Variants in PCDHGA5 observed in about 807,000 individuals in gnomAD.
PCDHGA5 encodes protocadherin gamma subfamily A, 5, also known as protocadherin gamma-A5.
PCDHGA5 carries 36 observed loss-of-function variants against 56.7 expected under a neutral mutation model. The ratio of observed to expected loss-of-function variants is 0.64; its 90% CI spans 0.49 to 0.84. The LOEUF (loss-of-function observed/expected upper bound fraction) is 0.84, where lower values mean the gene tolerates loss of function less well. Ranked by LOEUF, PCDHGA5 falls within the 40% of genes least tolerant of loss-of-function variation. The pLI is 0.00. For missense variants in PCDHGA5, 1,305 were observed against 1,201.5 expected (o/e 1.09, Z -1.27); for synonymous variants, 563 against 520.2 (o/e 1.08, Z -1.12).
At chr5:141,505,260 C>T in intron 2 of PCDHGA5, 133 bp from the exon 3 acceptor site, 2 of 1,502,832 alleles carry the variant, frequency 1.3e-6, no homozygotes, top group South Asian at 1.3e-5. Context: ...TGCCTCCTAC[C>T]TTGCTGAGAG....
At chr5:141,404,002 A>G in intron 1 of PCDHGA5, 2 of 1,613,928 alleles carry the variant, frequency 1.2e-6, no homozygotes, top group South Asian at 1.1e-5. Context: ...TGACCATTAC[A>G]TCTCTGTTTA....
At position 141,399,956 on chromosome 5, in the gene PCDHGA5, C is replaced by T. The variant is rs760477759; in HGVS notation, c.2421+33205C>T. On this transcript the variant is annotated intron_variant, in intron 1 of 3. Coordinates refer to ENST00000518069, the MANE Select transcript of PCDHGA5 (RefSeq NM_018918.3). ...TACCACGTGCTGCAGGCTAGCGAGC[C>T]CGGGCTCTTCAGCCTGGGGCTGCGC... is the stretch of plus-strand genomic sequence containing the variant. 106 of 1,612,048 alleles carry T rather than the reference C, an allele frequency of 6.6e-5. No homozygotes were observed. Among genetic ancestry groups the T allele is most frequent in the Middle Eastern group, 1.9e-4 (1 of 5,240 alleles).
Position 141,432,124 on chromosome 5 carries a change from C to G in PCDHGA5, c.2422-62683C>G, listed in dbSNP as rs1286909667. On this transcript the variant is annotated intron_variant, in intron 1 of 3. Transcript: ENST00000518069. The surrounding 1 kb of genome is among the most constrained non-coding windows in gnomAD (Gnocchi z 6.0). ...ACAACCCGCCGGTCTTCCCTCAGGC[C>G]TCCTATTCCGCTTATATCCCAGAGA... 6.2e-7 allele frequency: 1 copy of G among 1,614,156 alleles called. No homozygotes were observed. The highest frequency in any genetic ancestry group is 1.1e-5 in the South Asian group (1 of 91,066).
At position 141,486,047 on chromosome 5, in the gene PCDHGA5, C is replaced by G. The variant is rs763394605; in HGVS notation, c.2422-8760C>G. The G allele has an allele frequency of 3.1e-6, 5 of 1,614,172 alleles. No homozygotes were observed. The East Asian group carries it at 6.7e-5, about 22-fold the overall frequency. On this transcript the variant is annotated intron_variant, in intron 1 of 3. Transcript: ENST00000518069. This position sits in a 1 kb window ranked among gnomAD's most constrained non-coding sequence, Gnocchi z 5.0. ...TCATACCCCTGATCGTGTAAGAAAC[C>G]TCTTTAGCCTGCACCCCACTACTGG...
chr5:141,409,080 C>T (rs2095221617), intron 1 of PCDHGA5: 1 of 1,613,988 alleles, frequency 6.2e-7, no homozygotes, highest in Non-Finnish European at 8.5e-7. Context: ...CATATGTTCT[C>T]ATTGGATGAG....
intron 1 of PCDHGA5, chr5:141,403,047 G>T: frequency 6.2e-7 from 1 of 1,614,062 alleles, no homozygotes; most frequent in Non-Finnish European, 8.5e-7. Flanking sequence ...AGTCAGATTC[G>T]CTACTCAGTG....
intron 1 of PCDHGA5, chr5:141,372,614 C>T: frequency 1.2e-6 from 2 of 1,613,984 alleles, no homozygotes; most frequent in East Asian, 4.5e-5. Context: ...CTGGAGTTCT[C>T]CCCACCTACA....
At position 141,485,892 on chromosome 5, in the gene PCDHGA5, C is replaced by T; in HGVS notation, c.2422-8915C>T. On this transcript the variant is annotated intron_variant, in intron 1 of 3. Coordinates refer to ENST00000518069, the MANE Select transcript of PCDHGA5 (RefSeq NM_018918.3). The surrounding 1 kb of genome is among the most constrained non-coding windows in gnomAD (Gnocchi z 5.7). ...GTGCTGGACGTAAACGACAACGCCC[C>T]AGCCTTCCAGCAATCCAGCTACAGG... is the stretch of plus-strand genomic sequence containing the variant. 6.2e-7 allele frequency: 1 copy of T among 1,614,194 alleles called. No individual in the cohort carries two copies.
chr5:141,385,604 CAT>C, intron 1 of PCDHGA5: 1 of 1,188,174 alleles, frequency 8.4e-7, no homozygotes, highest in Non-Finnish European at 1.1e-6. Flanking sequence ...TTTCTTAACT[CAT>C]ATATTTTATA....
In PCDHGA5 at chr5:141,433,177, A is replaced by T; in HGVS notation, c.2422-61630A>T. 1.9e-6 allele frequency: 3 copies of T among 1,608,174 alleles called. No homozygotes were observed. The Middle Eastern group carries it at 5.0e-4, about 267-fold the overall frequency. Reference sequence around the variant, plus strand: ...TATTTTCTAAAGACAGTCATGGGTTAATTGAGGTGAGTTTATATCAAATCT... The same window carrying T: ...TATTTTCTAAAGACAGTCATGGGTTTATTGAGGTGAGTTTATATCAAATCT... On this transcript the variant is annotated intron_variant, in intron 1 of 3. Coordinates refer to ENST00000518069, the MANE Select transcript of PCDHGA5 (RefSeq NM_018918.3).
At position 141,476,946 on chromosome 5, in the gene PCDHGA5, G is replaced by A; in HGVS notation, c.2422-17861G>A. ...ACGGATCTGGATGAAGGCCCCAACG[G>A]TGAAATTATTTACTCCTTCGGCAGC... On this transcript the variant is annotated intron_variant, in intron 1 of 3. Transcript: ENST00000518069. The surrounding 1 kb of genome is among the most constrained non-coding windows in gnomAD (Gnocchi z 7.6). The A allele has an allele frequency of 6.2e-7, 1 of 1,614,206 alleles. No individual in the cohort carries two copies. Among genetic ancestry groups the A allele is most frequent in the Non-Finnish European group, 8.5e-7 (1 of 1,180,044 alleles).
chr5:141,429,547 A>C (rs2097222392), intron 1 of PCDHGA5, among the ~76,000 whole-genome samples: 1 of 152,196 alleles, frequency 6.6e-6, no homozygotes, highest in Non-Finnish European at 1.5e-5. Flanking sequence ...AGAACATGGT[A>C]ATGATTTGAT....
At position 141,364,173 on chromosome 5, in the gene PCDHGA5, G is replaced by T. The variant is rs2149854430; in HGVS notation, c.-158G>T. The stretch of plus-strand genomic sequence containing the variant: ...GCTGCCGCAGAGGCGACCCGACTCT[G>T]CTCCCTCCATACTAAACACACAGAC... On this transcript the variant is annotated 5_prime_UTR_variant, in exon 1 of 4. Transcript: ENST00000518069. The T allele has an allele frequency of 2.5e-6, 2 of 806,624 alleles. No homozygotes were observed. The highest frequency in any genetic ancestry group is 3.6e-6 in the Non-Finnish European group (2 of 561,282). The allele number at this position is 806,624 out of a possible 1,614,324, so 50.0% of individuals were successfully genotyped here.
At chr5:141,437,764 A>G (rs1408729040) in intron 1 of PCDHGA5, among the ~76,000 whole-genome samples, 1 of 149,226 alleles carries the variant, frequency 6.7e-6, no homozygotes, top group Non-Finnish European at 1.5e-5. Flanking sequence ...TTTGAGACAG[A>G]GTCTCAATCT....
At chr5:141,435,995 A>C (rs1033174115) in intron 1 of PCDHGA5, among the ~76,000 whole-genome samples, 2 of 152,144 alleles carry the variant, frequency 1.3e-5, no homozygotes, top group African/African-American at 4.8e-5. Context: ...TGATTTTTTG[A>C]AAGAAAGTAT....
chr5:141,373,134 C>T (rs1335813862), intron 1 of PCDHGA5, among the ~76,000 whole-genome samples: 4 of 152,200 alleles, frequency 2.6e-5, no homozygotes, highest in Non-Finnish European at 5.9e-5. Flanking sequence ...CAAATCCTCA[C>T]AATTAAGTGG....
intron 1 of PCDHGA5, chr5:141,371,288 G>A (rs780665474): frequency 3.1e-6 from 5 of 1,613,992 alleles, no homozygotes; most frequent in Non-Finnish European, 4.2e-6. Flanking sequence ...ACAGTAAAAC[G>A]GGGGAACTCA....
chr5:141,375,963 G>T lies in PCDHGA5; in HGVS notation c.2421+9212G>T, dbSNP rs371650654. 16 of 1,613,262 alleles carry T rather than the reference G, an allele frequency of 9.9e-6. No homozygotes were observed. Among genetic ancestry groups the T allele is most frequent in the African/African-American group, 1.3e-5 (1 of 74,938 alleles). ...GTGGGCCTGCACACGGGCGAGGTGC[G>T]CACGGCGCGCGCCCTGCTGGACAGA... On this transcript the variant is annotated intron_variant, in intron 1 of 3. Coordinates refer to ENST00000518069, the MANE Select transcript of PCDHGA5 (RefSeq NM_018918.3).
intron 1 of PCDHGA5, chr5:141,400,116 C>G (rs2093964416): frequency 6.2e-7 from 1 of 1,614,086 alleles, no homozygotes; most frequent in African/African-American, 1.3e-5. Context: ...TTGCTGACAG[C>G]TTGCAGGAGG....
Sources: allele counts gnomAD v4.1 joint callset (sites outside exome capture counted in the v4.1 genomes callset), GRCh38; gene constraint gnomAD v4.1.1; non-coding constraint Gnocchi (gnomAD v3.1); transcripts MANE v1.5; gene names NCBI Gene and HGNC (gene_info 2026-07-23, HGNC 2026-07-21).